MAD1L1: variants seen among roughly 807,000 people sequenced by gnomAD.
The protein encoded by MAD1L1 is mitotic spindle assembly checkpoint protein MAD1.
In MAD1L1, 95 loss-of-function variants were observed where a neutral mutation model predicts 96.9. That is an observed-to-expected ratio of 0.98 (90% CI 0.83 to 1.16). The LOEUF (loss-of-function observed/expected upper bound fraction) is 1.16. Among genes scored for constraint, MAD1L1 ranks in the 50% most tolerant of loss-of-function variants. The pLI, the probability that MAD1L1 is intolerant of heterozygous loss-of-function variation, is 0.00. For synonymous variants in MAD1L1, 473 were observed against 396.6 expected, an observed-to-expected ratio of 1.19 and a Z score of -2.29; for missense variants, 1,007 against 954.4, an observed-to-expected ratio of 1.06 and a Z score of -0.73.
At chr7:1,902,529 A>G (rs1465607143) in intron 17 of MAD1L1, among the ~76,000 whole-genome samples, 1 of 152,228 alleles carries the variant, frequency 6.6e-6, no homozygotes, top group Non-Finnish European at 1.5e-5. Context: ...CACGCAGATG[A>G]GAGCAAGCAG....
At chr7:1,860,353 G>A (rs1164112302) in intron 18 of MAD1L1, among the ~76,000 whole-genome samples, 3 of 73,276 alleles carry the variant, frequency 4.1e-5, no homozygotes, top group South Asian at 4.4e-4. Flanking sequence ...GACATCCTGC[G>A]GGGCGGCCTC....
intron 18 of MAD1L1, among the ~76,000 whole-genome samples, chr7:1,877,233 T>C (rs1306996664): frequency 6.6e-6 from 1 of 152,170 alleles, no homozygotes; most frequent in Non-Finnish European, 1.5e-5. Flanking sequence ...GCTTTTGTAA[T>C]AAAGTTTTAC....
intron 17 of MAD1L1, among the ~76,000 whole-genome samples, chr7:1,929,003 G>C (rs1789268487): frequency 6.6e-6 from 1 of 152,200 alleles, no homozygotes; most frequent in South Asian, 2.1e-4. Context: ...GCAGTGCACA[G>C]GACGCAACAG....
At chr7:1,910,447 T>A (rs1787942369) in intron 17 of MAD1L1, among the ~76,000 whole-genome samples, 1 of 152,214 alleles carries the variant, frequency 6.6e-6, no homozygotes, top group Non-Finnish European at 1.5e-5. Flanking sequence ...GGGCCACCTC[T>A]GCGATGCCAG....
chr7:1,943,909 A>G (rs892804208), intron 16 of MAD1L1, among the ~76,000 whole-genome samples: 74 of 152,128 alleles, frequency 4.9e-4, no homozygotes, highest in African/African-American at 1.8e-3. Context: ...AAGGAACACA[A>G]GGTCCACCAG....
intron 18 of MAD1L1, among the ~76,000 whole-genome samples, chr7:1,844,718 G>A (rs1018801545): frequency 6.6e-6 from 1 of 152,236 alleles, no homozygotes; most frequent in African/African-American, 2.4e-5. Context: ...GCTTGGCACA[G>A]GCCGGGCACT....
intron 10 of MAD1L1, among the ~76,000 whole-genome samples, chr7:2,170,310 C>A: frequency 6.6e-6 from 1 of 152,348 alleles, no homozygotes; most frequent in South Asian, 2.1e-4. Context: ...AGATTGGCCC[C>A]AGGCAACCTG....
chr7:2,094,406 C>T (rs747876468), intron 11 of MAD1L1, among the ~76,000 whole-genome samples: 4 of 152,172 alleles, frequency 2.6e-5, no homozygotes, highest in Non-Finnish European at 4.4e-5. Context: ...GCTGAGGAGG[C>T]GCTACCCTTC....
intron 17 of MAD1L1, 62 bp from the exon 18 acceptor site, chr7:1,898,452 G>A (rs1787034250): frequency 6.7e-7 from 1 of 1,487,248 alleles, no homozygotes; most frequent in Non-Finnish European, 9.3e-7. Context: ...GGGGACCCGG[G>A]AGCGGCCAGG....
intron 18 of MAD1L1, among the ~76,000 whole-genome samples, chr7:1,826,336 G>A (rs546953072): frequency 2.0e-5 from 3 of 152,112 alleles, no homozygotes; most frequent in East Asian, 3.9e-4. Context: ...GTATTACCTC[G>A]GCCGAGGGCC....
chr7:2,052,206 G>A (rs1227942997), intron 12 of MAD1L1, among the ~76,000 whole-genome samples: 3 of 152,072 alleles, frequency 2.0e-5, no homozygotes, highest in East Asian at 1.9e-4. Flanking sequence ...CTCGCCACGC[G>A]CACAGCCACA....
chr7:2,101,030 A>C (rs557919881), intron 11 of MAD1L1, among the ~76,000 whole-genome samples: 2 of 152,110 alleles, frequency 1.3e-5, no homozygotes, highest in African/African-American at 4.8e-5. Context: ...CACCTAATTA[A>C]CCACTTTCCC....
At chr7:2,140,422 TC>T (rs1408560422) in intron 11 of MAD1L1, among the ~76,000 whole-genome samples, 1 of 152,122 alleles carries the variant, frequency 6.6e-6, no homozygotes, top group Non-Finnish European at 1.5e-5. Flanking sequence ...CGAATGGCCC[TC>T]CGAGGCCCTA....
chr7:1,894,847 A>G (rs891163299), intron 18 of MAD1L1, among the ~76,000 whole-genome samples: 1 of 152,008 alleles, frequency 6.6e-6, no homozygotes, highest in Non-Finnish European at 1.5e-5. Context: ...TGGGGGAAAG[A>G]GGCTGTGAAA....
intron 11 of MAD1L1, among the ~76,000 whole-genome samples, chr7:2,099,289 G>A (rs938336884): frequency 6.6e-6 from 1 of 152,242 alleles, no homozygotes; most frequent in African/African-American, 2.4e-5. Flanking sequence ...CCGGCGCCCG[G>A]CCCACTGTGG....
intron 12 of MAD1L1, among the ~76,000 whole-genome samples, chr7:2,051,288 C>A (rs573270410): frequency 6.6e-6 from 1 of 152,154 alleles, no homozygotes; most frequent in African/African-American, 2.4e-5. Context: ...CTCTAAGCCT[C>A]GGTCTCTCTG....
At chr7:1,950,356 C>T (rs1419411453) in intron 16 of MAD1L1, among the ~76,000 whole-genome samples, 1 of 152,346 alleles carries the variant, frequency 6.6e-6, no homozygotes, top group Non-Finnish European at 1.5e-5. Flanking sequence ...CTGCACGTCC[C>T]GCGCCACCTC....
intron 10 of MAD1L1, among the ~76,000 whole-genome samples, chr7:2,191,432 T>C (rs1276339450): frequency 1.3e-5 from 2 of 152,214 alleles, no homozygotes; most frequent in African/African-American, 4.8e-5. Flanking sequence ...ACTTTTTTAA[T>C]AATACAAATG....
intron 17 of MAD1L1, among the ~76,000 whole-genome samples, chr7:1,903,265 CACTCTT>C (rs1787379029): frequency 6.6e-6 from 1 of 150,646 alleles, no homozygotes; most frequent in African/African-American, 2.5e-5. Context: ...CTACGGAAGA[CACTCTT>C]GCGGAATTCA....
Sources: allele counts gnomAD v4.1 joint callset (sites outside exome capture counted in the v4.1 genomes callset), GRCh38; gene constraint gnomAD v4.1.1; transcripts MANE v1.5; gene names NCBI Gene and HGNC (gene_info 2026-07-23, HGNC 2026-07-21).